The following TRAK1 variants were observed in gnomAD, a reference collection of about 807,000 sequenced individuals.
The protein encoded by TRAK1 is trafficking kinesin protein 1.
A neutral mutation model predicts 92.1 loss-of-function variants in TRAK1; 33 were observed. The ratio of observed to expected loss-of-function variants is 0.36; its 90% CI spans 0.27 to 0.48. The LOEUF (loss-of-function observed/expected upper bound fraction) is 0.48, where lower values mean the gene tolerates loss of function less well. TRAK1 is among the 20% of genes least tolerant of loss of function. The pLI is 0.99. For missense variants in TRAK1, 1,123 were observed against 1,257.9 expected, an observed-to-expected ratio of 0.89 and a Z score of 1.62; for synonymous variants, 521 against 517.3, an observed-to-expected ratio of 1.01 and a Z score of -0.10.
intron 14 of TRAK1, among the ~76,000 whole-genome samples, chr3:42,213,705 T>G (rs1346883933): frequency 2.0e-5 from 3 of 152,192 alleles, no homozygotes; most frequent in Non-Finnish European, 2.9e-5. Context: ...CAGACAGGCT[T>G]GTGAGAAGTT....
intron 1 of TRAK1, among the ~76,000 whole-genome samples, chr3:42,106,629 A>G (rs1372689485): frequency 6.6e-6 from 1 of 152,148 alleles, no homozygotes; most frequent in Non-Finnish European, 1.5e-5. Context: ...ATAATGTTGT[A>G]TTTATTTATT....
chr3:42,109,273 TAAGA>T (rs2149060257), intron 1 of TRAK1, among the ~76,000 whole-genome samples: 1 of 152,312 alleles, frequency 6.6e-6, no homozygotes, highest in African/African-American at 2.4e-5. Context: ...GTTATCATTA[TAAGA>T]AAGTGCAACT....
intron 1 of TRAK1, among the ~76,000 whole-genome samples, chr3:42,031,653 T>C (rs1702152991): frequency 6.6e-6 from 1 of 152,000 alleles, no homozygotes; most frequent in Non-Finnish European, 1.5e-5. Context: ...TTTCTGAACA[T>C]TCTTCAGGTG....
intron 13 of TRAK1, chr3:42,203,143 A>AG: frequency 8.2e-7 from 1 of 1,212,806 alleles, no homozygotes; most frequent in Non-Finnish European, 1.0e-6. Context: ...TTAATGCTTT[A>AG]GCTTTTCTGC....
At chr3:42,113,575 G>A (rs761456754) in intron 1 of TRAK1, among the ~76,000 whole-genome samples, 17 of 152,044 alleles carry the variant, frequency 1.1e-4, no homozygotes, top group Non-Finnish European at 5.9e-5. Flanking sequence ...CATCACACTC[G>A]GCTGATTTTT....
At chr3:42,071,168 A>G (rs1284958441) in intron 1 of TRAK1, among the ~76,000 whole-genome samples, 3 of 152,216 alleles carry the variant, frequency 2.0e-5, no homozygotes, top group South Asian at 2.1e-4. Context: ...TTAAAAGCCA[A>G]GTTCCTCCTA....
At chr3:42,129,186 G>A (rs1696867606) in intron 2 of TRAK1, among the ~76,000 whole-genome samples, 1 of 152,124 alleles carries the variant, frequency 6.6e-6, no homozygotes. Context: ...TCGTGTGTTT[G>A]TTTACACGTG....
upstream of TRAK1, among the ~76,000 whole-genome samples, chr3:42,084,622 C>T (rs564977123): frequency 6.6e-6 from 1 of 152,218 alleles, no homozygotes; most frequent in South Asian, 2.1e-4. Flanking sequence ...CGGTGAATTC[C>T]CATCCTGGAC....
intron 1 of TRAK1, among the ~76,000 whole-genome samples, chr3:42,123,204 T>A (rs1710123953): frequency 6.6e-6 from 1 of 152,232 alleles, no homozygotes; most frequent in African/African-American, 2.4e-5. Flanking sequence ...CGAATCCGTA[T>A]TTTTTTCACC....
chr3:42,210,953 G>A, intron 14 of TRAK1: 1 of 985,404 alleles, frequency 1.0e-6, no homozygotes, highest in Non-Finnish European at 1.2e-6. Context: ...GGGAATCATG[G>A]GATCACATGG....
chr3:42,117,128 C>T (rs1339631881), intron 1 of TRAK1, among the ~76,000 whole-genome samples: 1 of 152,086 alleles, frequency 6.6e-6, no homozygotes, highest in East Asian at 1.9e-4. Flanking sequence ...CCAGACACAG[C>T]CCTCAGAATG....
intron 3 of TRAK1, among the ~76,000 whole-genome samples, chr3:42,180,637 C>T (rs1703867640): frequency 6.7e-6 from 1 of 148,626 alleles, no homozygotes; most frequent in Non-Finnish European, 1.5e-5. Context: ...TGTAATTGTG[C>T]CACTGCACTC....
intron 1 of TRAK1, among the ~76,000 whole-genome samples, chr3:42,081,789 G>T (rs978438074): frequency 6.6e-6 from 1 of 152,186 alleles, no homozygotes; most frequent in African/African-American, 2.4e-5. Flanking sequence ...AATCTAATTT[G>T]TACTAGACAC....
intron 11 of TRAK1, among the ~76,000 whole-genome samples, chr3:42,200,617 G>A (rs1707387854): frequency 6.6e-6 from 1 of 152,114 alleles, no homozygotes; most frequent in African/African-American, 2.4e-5. Flanking sequence ...GGGTTTAGTG[G>A]GTGTTGAATC....
At chr3:42,026,196 C>T (rs1278068060) in intron 1 of TRAK1, among the ~76,000 whole-genome samples, 1 of 152,132 alleles carries the variant, frequency 6.6e-6, no homozygotes, top group Non-Finnish European at 1.5e-5. Context: ...CTCAGAGGCA[C>T]ATGAAGAAAG....
chr3:42,173,166 A>G (rs1033608623), intron 2 of TRAK1, among the ~76,000 whole-genome samples: 28 of 152,126 alleles, frequency 1.8e-4, no homozygotes, highest in African/African-American at 5.1e-4. Context: ...AAAAAAAATT[A>G]TCGTAGAGGT....
chr3:42,101,717 G>A (rs1364001139), intron 1 of TRAK1, among the ~76,000 whole-genome samples: 1 of 152,178 alleles, frequency 6.6e-6, no homozygotes, highest in East Asian at 1.9e-4. Context: ...TTTTCTTTAT[G>A]AAAATAACAG....
At chr3:42,221,995 T>G (rs1035606421) in intron 15 of TRAK1, 1 of 136,262 alleles carries the variant, frequency 7.3e-6, no homozygotes, top group Non-Finnish European at 1.7e-5. Flanking sequence ...CAAAAGTAAT[T>G]GCAATTATAA....
intron 10 of TRAK1, among the ~76,000 whole-genome samples, chr3:42,197,422 G>A (rs1446160558): frequency 1.3e-5 from 2 of 151,406 alleles, no homozygotes; most frequent in Non-Finnish European, 3.0e-5. Context: ...ATACTGTACC[G>A]ATTTTTAAAT....
Sources: gnomAD v4.1 joint callset for allele counts (sites outside exome capture counted in the v4.1 genomes callset) on GRCh38, gnomAD v4.1.1 for gene constraint, MANE v1.5 for transcripts, NCBI Gene and HGNC (gene_info 2026-07-23, HGNC 2026-07-21) for gene names.